NAV3: variants seen among roughly 807,000 people sequenced by gnomAD.
NAV3 encodes pore membrane and/or filament interacting like protein 1.
In NAV3, 87 loss-of-function variants were observed where a neutral mutation model predicts 244.7. That is an observed-to-expected ratio of 0.36 (90% confidence interval 0.30 to 0.42). The LOEUF is 0.42. NAV3 is among the 20% of genes least tolerant of loss of function. The pLI is 1.00. For missense variants in NAV3, 2,663 were observed against 2,893.3 expected (o/e 0.92, Z 1.83); for synonymous variants, 1,126 against 1,042.2 (o/e 1.08, Z -1.55).
intron 22 of NAV3, among the ~76,000 whole-genome samples, chr12:78,158,678 G>C (rs1174363513): frequency 1.3e-5 from 2 of 151,988 alleles, no homozygotes; most frequent in African/African-American, 4.8e-5. Context: ...TCAATTCTTT[G>C]TAAGTAGAAA....
intron 13 of NAV3, 95 bp downstream of exon 13, chr12:78,116,999 C>A (rs2138527042): frequency 7.4e-7 from 1 of 1,353,228 alleles, no homozygotes; most frequent in Non-Finnish European, 1.0e-6. Context: ...AGCCCTTAAT[C>A]CAAAATTATT....
chr12:78,076,782 T>TATGA (rs1953073424), intron 12 of NAV3, among the ~76,000 whole-genome samples: 1 of 152,146 alleles, frequency 6.6e-6, no homozygotes, highest in African/African-American at 2.4e-5. Flanking sequence ...ATTTATTGAG[T>TATGA]ATGAAATTCT....
chr12:78,083,216 A>G (rs1429085607), intron 12 of NAV3, among the ~76,000 whole-genome samples: 2 of 152,160 alleles, frequency 1.3e-5, no homozygotes, highest in Non-Finnish European at 2.9e-5. Flanking sequence ...CTTTTATAAC[A>G]GACCTACTCA....
At chr12:77,822,033 C>T (rs900969294) in intron 2 of NAV3, among the ~76,000 whole-genome samples, 7 of 151,824 alleles carry the variant, frequency 4.6e-5, no homozygotes, top group Non-Finnish European at 8.8e-5. Flanking sequence ...TTTTTTCACT[C>T]GGGGAGCTGA....
At chr12:78,092,974 C>G (rs892631793) in intron 12 of NAV3, among the ~76,000 whole-genome samples, 1 of 152,074 alleles carries the variant, frequency 6.6e-6, no homozygotes, top group African/African-American at 2.4e-5. Context: ...TGTTTAAATC[C>G]TCTGGGGAAA....
chr12:77,959,981 T>A (rs1053244661), intron 3 of NAV3, among the ~76,000 whole-genome samples: 3 of 144,504 alleles, frequency 2.1e-5, no homozygotes, highest in Non-Finnish European at 3.0e-5. Flanking sequence ...GGCCAAATGC[T>A]ATTACAGATT....
At chr12:77,677,089 A>G (rs1193113003) in intron 2 of NAV3, among the ~76,000 whole-genome samples, 1 of 152,224 alleles carries the variant, frequency 6.6e-6, no homozygotes, top group Non-Finnish European at 1.5e-5. Context: ...TGATCCATTT[A>G]TCTCTTCTTA....
At chr12:77,607,388 A>T (rs1266236674) in intron 2 of NAV3, among the ~76,000 whole-genome samples, 1 of 152,152 alleles carries the variant, frequency 6.6e-6, no homozygotes, top group Non-Finnish European at 1.5e-5. Flanking sequence ...TGGGAAGATG[A>T]CTGAACAACT....
At chr12:77,810,257 C>A (rs892892717) in intron 2 of NAV3, among the ~76,000 whole-genome samples, 1 of 152,100 alleles carries the variant, frequency 6.6e-6, no homozygotes, top group Non-Finnish European at 1.5e-5. Flanking sequence ...CTGCAAGCTC[C>A]GCCTCCCGGG....
At chr12:78,130,242 C>G (rs1379714654) in intron 18 of NAV3, 1 of 155,288 alleles carries the variant, frequency 6.4e-6, no homozygotes, top group African/African-American at 2.4e-5. Context: ...TTTCTAACTC[C>G]TTAGGGACAC....
At chr12:78,140,000 T>G (rs564639886) in intron 19 of NAV3, among the ~76,000 whole-genome samples, 2 of 152,310 alleles carry the variant, frequency 1.3e-5, no homozygotes, top group South Asian at 4.1e-4. Context: ...GGGAATTTAC[T>G]GTAGCTTTCA....
chr12:78,064,466 T>TGCCTGCCTGCCTGCCTGCCTGC (rs1566082445), intron 12 of NAV3, among the ~76,000 whole-genome samples: 22 of 118,032 alleles, frequency 1.9e-4, no homozygotes, highest in African/African-American at 6.7e-4. Flanking sequence ...TGCCTGCCTG[T>TGCCTGCCTGCCTGCCTGCCTGC]CTGTCTATAT....
At chr12:77,577,361 T>G (rs1031582075) in intron 2 of NAV3, among the ~76,000 whole-genome samples, 5 of 152,170 alleles carry the variant, frequency 3.3e-5, no homozygotes, top group Admixed American at 3.3e-4. Flanking sequence ...TCCTTTCATT[T>G]TTTCTCCACC....
intron 12 of NAV3, among the ~76,000 whole-genome samples, chr12:78,094,208 G>A (rs538655600): frequency 5.9e-5 from 9 of 152,278 alleles, no homozygotes; most frequent in Non-Finnish European, 1.2e-4. Context: ...AGATGTTTAT[G>A]CTATATGTCT....
Position 78,189,872 on chromosome 12 carries a change from T to G in NAV3, c.6056-112T>G, listed in dbSNP as rs185775385. On this transcript the variant is annotated intron_variant, in intron 33 of 39. Coordinates refer to ENST00000397909, the MANE Select transcript of NAV3 (RefSeq NM_001024383.2). Reference sequence around the variant, plus strand: ...GATAGAAATATCTAGGAAATTATTTTTCAAGGACTCTATTCCTATGACTAA... The same window carrying G: ...GATAGAAATATCTAGGAAATTATTTGTCAAGGACTCTATTCCTATGACTAA... 2,100 of 752,870 alleles carry G rather than the reference T, an allele frequency of 2.8e-3. 5 individuals are homozygous for G. Among genetic ancestry groups the G allele is most frequent in the Non-Finnish European group, 4.0e-3 (1,846 of 466,508 alleles). 46.6% of individuals were successfully genotyped at this position (752,870 alleles called of 1,614,324 possible).
chr12:78,090,524 A>G lies in NAV3; in HGVS notation c.2637-26248A>G, dbSNP rs113801611. On this transcript the variant is annotated intron_variant, in intron 12 of 39. Transcript: ENST00000397909. ...TTCTTAGATTAATGTAAAGTATATG[A>G]TGAGCTTTTTGGAATATTTTCTCAA... Among the ~76,000 whole-genome samples, 1,196 of 152,210 alleles carry G rather than the reference A, an allele frequency of 7.9e-3. 15 individuals are homozygous for G. The highest frequency in any genetic ancestry group is 0.026 in the African/African-American group (1,096 of 41,572).
intron 32 of NAV3, 119 bp downstream of exon 32, chr12:78,188,462 C>G: frequency 8.6e-7 from 1 of 1,164,860 alleles, no homozygotes. Flanking sequence ...GGAAAGCTTT[C>G]TGTTTGTGCT....
chr12:78,115,403 G>T (rs1955325151), intron 12 of NAV3, among the ~76,000 whole-genome samples: 1 of 152,148 alleles, frequency 6.6e-6, no homozygotes, highest in Admixed American at 6.5e-5. Flanking sequence ...GCTGGTAAAT[G>T]AGAGAACTGT....
intron 2 of NAV3, among the ~76,000 whole-genome samples, chr12:77,739,092 T>C (rs1368911613): frequency 6.9e-6 from 1 of 145,524 alleles, no homozygotes; most frequent in Non-Finnish European, 1.5e-5. Context: ...TAGCCCTAAC[T>C]AGTTGTGTGA....
Sources: gnomAD v4.1 joint callset for allele counts (sites outside exome capture counted in the v4.1 genomes callset) on GRCh38, gnomAD v4.1.1 for gene constraint, MANE v1.5 for transcripts, NCBI Gene and HGNC (gene_info 2026-07-23, HGNC 2026-07-21) for gene names.